Variants in CEP44 observed in about 807,000 individuals in gnomAD.
CEP44 encodes the protein centrosomal protein of 44 kDa.
Under a neutral mutation model 46.7 loss-of-function variants are expected in CEP44, and 45 were observed. The ratio of observed to expected loss-of-function variants is 0.96; its 90% CI spans 0.76 to 1.24. CEP44 has a LOEUF of 1.24. Ranked by LOEUF, CEP44 falls within the 50% of genes most tolerant of loss-of-function variation. CEP44 has a pLI of 0.00. For missense variants in CEP44, 475 were observed against 459.7 expected (o/e 1.03, Z -0.30); for synonymous variants, 142 against 146.0 (o/e 0.97, Z 0.20).
In CEP44 at chr4:174,306,772, T is replaced by C. The variant is rs906895603; in HGVS notation, c.508-1917T>C. Reference sequence around the variant, plus strand: ...AAGCAACTTCAGCAAAGTCTTGAGATACAAAATCAATGTGCAAAAATTGCT... The same window carrying C: ...AAGCAACTTCAGCAAAGTCTTGAGACACAAAATCAATGTGCAAAAATTGCT... On this transcript the variant is annotated intron_variant, in intron 6 of 11. Coordinates refer to ENST00000503780, the MANE Select transcript of CEP44 (RefSeq NM_001040157.3). Among the ~76,000 whole-genome samples the C allele has an allele frequency of 5.9e-5, 9 of 152,260 alleles. No homozygotes were observed. In the East Asian group the frequency reaches 1.7e-3, roughly 29 times the overall value.
Position 174,317,960 on chromosome 4 carries a change from G to A in CEP44, c.*577G>A. The A allele has an allele frequency of 1.0e-6, 1 of 985,334 alleles. No homozygotes were observed. Among genetic ancestry groups the A allele is most frequent in the South Asian group, 4.7e-5 (1 of 21,284 alleles). The allele number at this position is 985,334 out of a possible 1,614,324, so 61.0% of individuals were successfully genotyped here. ...GGTTAAGATTCTCCTTTTGTACTGG[G>A]AAACAGGCTGGAGGACTATGGTCCT... On this transcript the variant is annotated 3_prime_UTR_variant, in exon 12 of 12. Coordinates refer to ENST00000503780, the MANE Select transcript of CEP44 (RefSeq NM_001040157.3).
intron 4 of CEP44, among the ~76,000 whole-genome samples, chr4:174,302,755 G>A (rs1027172496): frequency 8.0e-5 from 12 of 150,074 alleles, no homozygotes; most frequent in Non-Finnish European, 8.9e-5. Context: ...GTTTTTAATG[G>A]TAAAAACCCA....
intron 1 of CEP44, among the ~76,000 whole-genome samples, chr4:174,289,891 A>C (rs1737990316): frequency 6.7e-6 from 1 of 149,214 alleles, no homozygotes. Context: ...GCTGGAGTGC[A>C]GTGGCGTGAT....
At chr4:174,295,062 G>T (rs1418486842) in intron 1 of CEP44, among the ~76,000 whole-genome samples, 2 of 149,010 alleles carry the variant, frequency 1.3e-5, no homozygotes, top group African/African-American at 5.0e-5. Flanking sequence ...GGACGGGGCG[G>T]CTGGCCGGGC....
At chr4:174,299,004 C>T (rs1232830229) in intron 2 of CEP44, 68 bp from the exon 3 acceptor site, 2 of 873,010 alleles carry the variant, frequency 2.3e-6, no homozygotes, top group East Asian at 5.3e-5. Context: ...GAGATATGAC[C>T]AAAATAGAAT....
In CEP44 at chr4:174,325,795, C is replaced by G. The variant is rs555448701; in HGVS notation, c.1087-5687C>G. The stretch of plus-strand genomic sequence containing the variant: ...GCATAAACATTTAGGACTGCTATTT[C>G]TTCATGATAAAGAGACTTATTTCTT... On this transcript the variant is annotated intron_variant, in intron 8 of 8. Coordinates refer to the CEP44 transcript ENST00000426172. This position sits in a 1 kb window ranked among gnomAD's most constrained non-coding sequence, Gnocchi z 4.4. Among the ~76,000 whole-genome samples, 1 of 152,244 alleles carries G rather than the reference C, an allele frequency of 6.6e-6. No individual in the cohort carries two copies. Among genetic ancestry groups the G allele is most frequent in the East Asian group, 1.9e-4 (1 of 5,186 alleles).
Position 174,319,889 on chromosome 4 carries a change from G to T in CEP44, c.*2506G>T. The T allele has an allele frequency of 1.0e-6, 1 of 985,258 alleles. No individual in the cohort carries two copies. The highest frequency in any genetic ancestry group is 1.2e-6 in the Non-Finnish European group (1 of 829,776). The allele number at this position is 985,258 out of a possible 1,614,324, so 61.0% of individuals were successfully genotyped here. A position where few individuals can be genotyped will look rare whatever the true frequency, so the allele number is the denominator to read the frequency against. On this transcript the variant is annotated 3_prime_UTR_variant, in exon 12 of 12. Transcript: ENST00000503780. Reference sequence around the variant, plus strand: ...AAAGTTTTCTTGTTTAGGCAATTTGGTAAGTGGTTTCTAGTTATAAACTAG... The same window carrying T: ...AAAGTTTTCTTGTTTAGGCAATTTGTTAAGTGGTTTCTAGTTATAAACTAG...
In CEP44 at chr4:174,302,182, A is replaced by C; in HGVS notation, c.233A>C (p.Tyr78Ser). 2 of 1,586,202 alleles carry C rather than the reference A, an allele frequency of 1.3e-6. No homozygotes were observed. Among genetic ancestry groups the C allele is most frequent in the Non-Finnish European group, 1.7e-6 (2 of 1,165,540 alleles). The change falls in exon 4 of 12, where the codon TAT (tyrosine) becomes TCT (serine). Residue 78 changes from tyrosine to serine, a missense_variant. Physicochemically the swap from Tyr to Ser is moderately radical, Grantham distance 144 (BLOSUM62 -2). Transcript: ENST00000503780. Reference protein sequence around the residue: ...KNDLRFIDAVYKLLRDQFNYK... With the variant: ...KNDLRFIDAVSKLLRDQFNYK... ...GACTTGCGCTTTATAGATGCTGTCT[A>C]TAAGGTATTTTGAGTTTATCAAACA...
intron 1 of CEP44, among the ~76,000 whole-genome samples, chr4:174,284,608 G>A (rs1372789362): frequency 6.6e-6 from 1 of 152,118 alleles, no homozygotes; most frequent in African/African-American, 2.4e-5. Context: ...GGCCATGCTA[G>A]ACTGTTTTTT....
chr4:174,307,911 C>T (rs541317770), intron 6 of CEP44, among the ~76,000 whole-genome samples: 1 of 152,110 alleles, frequency 6.6e-6, no homozygotes, highest in East Asian at 1.9e-4. Flanking sequence ...AATGAGATAC[C>T]ATGTCACGCT....
At position 174,317,734 on chromosome 4, in the gene CEP44, A is replaced by G; in HGVS notation, c.*351A>G. On this transcript the variant is annotated 3_prime_UTR_variant, in exon 12 of 12. Transcript: ENST00000503780. Reference sequence around the variant, plus strand: ...CACAGGCTTGAGGACTATGGTTTACATCCTGTTGGAAACATTCCAAATGGG... The same window carrying G: ...CACAGGCTTGAGGACTATGGTTTACGTCCTGTTGGAAACATTCCAAATGGG... 1 of 990,296 alleles carries G rather than the reference A, an allele frequency of 1.0e-6. No homozygotes were observed. The highest frequency in any genetic ancestry group is 1.1e-4 in the East Asian group (1 of 9,170). The allele number at this position is 990,296 out of a possible 1,614,324, so 61.3% of individuals were successfully genotyped here. A position where few individuals can be genotyped will look rare whatever the true frequency, so the allele number is the denominator to read the frequency against.
At chr4:174,284,607 A>G (rs1304221809) in intron 1 of CEP44, among the ~76,000 whole-genome samples, 1 of 152,126 alleles carries the variant, frequency 6.6e-6, no homozygotes. Flanking sequence ...TGGCCATGCT[A>G]GACTGTTTTT....
At chr4:174,289,846 T>A (rs1737982639) in intron 1 of CEP44, among the ~76,000 whole-genome samples, 1 of 151,830 alleles carries the variant, frequency 6.6e-6, no homozygotes, top group Non-Finnish European at 1.5e-5. Context: ...CCTTTTTTTT[T>A]TTTTCTTTGA....
Position 174,310,457 on chromosome 4 carries a change from A to G in CEP44, c.886-326A>G, listed in dbSNP as rs1228198238. Among the ~76,000 whole-genome samples, 2 of 151,942 alleles carry G rather than the reference A, an allele frequency of 1.3e-5. No homozygotes were observed. Among genetic ancestry groups the G allele is most frequent in the African/African-American group, 2.4e-5 (1 of 41,416 alleles). The stretch of plus-strand genomic sequence containing the variant: ...ATCTTTTTTTCACTCATTTACTTCA[A>G]TCATATTGTGAATTTCATAGAATAG... On this transcript the variant is annotated intron_variant, in intron 8 of 11. Coordinates refer to ENST00000503780, the MANE Select transcript of CEP44 (RefSeq NM_001040157.3). This position sits in a 1 kb window ranked among gnomAD's most constrained non-coding sequence, Gnocchi z 4.2.
intron 9 of CEP44, among the ~76,000 whole-genome samples, chr4:174,313,404 A>G (rs1351076901): frequency 6.7e-6 from 1 of 149,688 alleles, no homozygotes; most frequent in Non-Finnish European, 1.5e-5. Context: ...AAGGTGTGCT[A>G]CCACAGAAGA....
At position 174,311,096 on chromosome 4, in the gene CEP44, ATTTTACTG is replaced by A. The variant is rs1255803479; in HGVS notation, c.961+244_961+251del. ...TACAAAATTGAAAATTTTTAGAGATATTTTACTGTTTTAATCATTCGAGAATAATCAAG... is the reference window on the plus strand; with the variant it reads ...TACAAAATTGAAAATTTTTAGAGATATTTTAATCATTCGAGAATAATCAAG... On this transcript the variant is annotated intron_variant, in intron 9 of 11. Coordinates refer to ENST00000503780, the MANE Select transcript of CEP44 (RefSeq NM_001040157.3). This position sits in a 1 kb window ranked among gnomAD's most constrained non-coding sequence, Gnocchi z 4.4. Among the ~76,000 whole-genome samples, 1 of 151,998 alleles carries A rather than the reference ATTTTACTG, an allele frequency of 6.6e-6. No individual in the cohort carries two copies. The highest frequency in any genetic ancestry group is 1.5e-5 in the Non-Finnish European group (1 of 67,884).
intron 1 of CEP44, among the ~76,000 whole-genome samples, chr4:174,293,852 C>T (rs1452174773): frequency 2.0e-5 from 3 of 152,114 alleles, no homozygotes; most frequent in African/African-American, 7.2e-5. Context: ...TGAGATAGGA[C>T]ATCCTCGTGT....
rs899567769 is a variant in CEP44, at chr4:174,301,052, TAAAAG to T, written c.90-983_90-979del. On this transcript the variant is annotated intron_variant, in intron 3 of 11. Coordinates refer to ENST00000503780, the MANE Select transcript of CEP44 (RefSeq NM_001040157.3). This position sits in a 1 kb window ranked among gnomAD's most constrained non-coding sequence, Gnocchi z 4.3. ...AATATTACAGTATTTCAAAGAAACATAAAAGAAATAATTCATATTTGTCCAGTAAA... is the reference window on the plus strand; with the variant it reads ...AATATTACAGTATTTCAAAGAAACATAAATAATTCATATTTGTCCAGTAAA... 4.3e-4 allele frequency among the ~76,000 whole-genome samples: 65 copies of T among 152,056 alleles called. No individual in the cohort carries two copies. Among genetic ancestry groups the T allele is most frequent in the African/African-American group, 1.5e-3 (63 of 41,496 alleles).
rs527283916 is a variant in CEP44 at position 174,314,058 on chromosome 4, A to G, written c.962-2108A>G. On this transcript the variant is annotated intron_variant, in intron 9 of 11. Coordinates refer to ENST00000503780, the MANE Select transcript of CEP44 (RefSeq NM_001040157.3). The surrounding 1 kb of genome is among the most constrained non-coding windows in gnomAD (Gnocchi z 4.1). ...CTGATTCCCTTCGTGGAATAAGGTG[A>G]TAAGCCTCCAAAGATGGCAGTGAAA... Among the ~76,000 whole-genome samples, 1 of 152,324 alleles carries G rather than the reference A, an allele frequency of 6.6e-6. No homozygotes were observed. The highest frequency in any genetic ancestry group is 2.4e-5 in the African/African-American group (1 of 41,584).
Sources: allele counts gnomAD v4.1 joint callset (sites outside exome capture counted in the v4.1 genomes callset), GRCh38; gene constraint gnomAD v4.1.1; non-coding constraint Gnocchi (gnomAD v3.1); transcripts MANE v1.5; gene names NCBI Gene and HGNC (gene_info 2026-07-23, HGNC 2026-07-21).